Variants in PCDHGA1 observed in about 807,000 individuals in gnomAD.
The protein encoded by PCDHGA1 is protocadherin gamma-A1.
Under a neutral mutation model 58.0 loss-of-function variants are expected in PCDHGA1, and 32 were observed. That is an observed-to-expected ratio of 0.55 (90% CI 0.42 to 0.74). The LOEUF is 0.74. Ranked by LOEUF, PCDHGA1 falls within the 30% of genes least tolerant of loss-of-function variation. The probability of loss-of-function intolerance (pLI) is 0.00; values close to 1 mark genes in which losing one functional copy is unlikely to be tolerated. For missense variants in PCDHGA1, 1,205 were observed against 1,182.3 expected (o/e 1.02, Z -0.28); for synonymous variants, 498 against 501.1 (o/e 0.99, Z 0.08).
chr5:141,478,857 C>A, intron 1 of PCDHGA1: 1 of 1,353,600 alleles, frequency 7.4e-7, no homozygotes, highest in Non-Finnish European at 9.8e-7. Context: ...AACACAAGAT[C>A]TCAGCGATCA....
chr5:141,348,068 A>ACAACTT (rs1400560266), intron 1 of PCDHGA1, among the ~76,000 whole-genome samples: 5 of 152,340 alleles, frequency 3.3e-5, no homozygotes, highest in African/African-American at 9.6e-5. Context: ...GTCATGTTCT[A>ACAACTT]CAACTTTCTT....
chr5:141,464,043 T>C (rs2099074643), intron 1 of PCDHGA1, among the ~76,000 whole-genome samples: 2 of 152,074 alleles, frequency 1.3e-5, no homozygotes, highest in African/African-American at 4.8e-5. Context: ...GGCGGGTGGA[T>C]CACCTGAGGT....
At chr5:141,394,219 C>T (rs1355390708) in intron 1 of PCDHGA1, 1 of 1,613,786 alleles carries the variant, frequency 6.2e-7, no homozygotes, top group Non-Finnish European at 8.5e-7. Context: ...CTGAGAGGAG[C>T]CTCCATCTTT....
At chr5:141,351,936 T>C in intron 1 of PCDHGA1, 1 of 1,613,244 alleles carries the variant, frequency 6.2e-7, no homozygotes, top group Non-Finnish European at 8.5e-7. Flanking sequence ...CCACGGGTGC[T>C]GTACCCCGCG....
At chr5:141,399,915 C>T in intron 1 of PCDHGA1, 1 of 1,612,364 alleles carries the variant, frequency 6.2e-7, no homozygotes, top group Non-Finnish European at 8.5e-7. Flanking sequence ...ACTCAGGACA[C>T]AACGCCTGGC....
intron 3 of PCDHGA1, among the ~76,000 whole-genome samples, chr5:141,509,751 A>T (rs1430265981): frequency 6.6e-6 from 1 of 151,998 alleles, no homozygotes; most frequent in Admixed American, 6.5e-5. Flanking sequence ...CCTGTGCCTA[A>T]AGTGTCCCTG....
chr5:141,489,723 T>C lies in PCDHGA1; in HGVS notation c.2422-5084T>C, dbSNP rs900332220. ...CACTGGACAGTGCCCAGGATCCGGA[T>C]GTGGGCACCAATACTGTGAGCTTTT... On this transcript the variant is annotated intron_variant, in intron 1 of 3. Coordinates refer to ENST00000517417, the MANE Select transcript of PCDHGA1 (RefSeq NM_018912.3). This position sits in a 1 kb window ranked among gnomAD's most constrained non-coding sequence, Gnocchi z 4.5. 4.3e-6 allele frequency: 7 copies of C among 1,613,958 alleles called. No homozygotes were observed. The highest frequency in any genetic ancestry group is 5.9e-6 in the Non-Finnish European group (7 of 1,179,940).
chr5:141,421,102 T>G, intron 1 of PCDHGA1: 1 of 691,404 alleles, frequency 1.4e-6, no homozygotes, highest in Non-Finnish European at 2.4e-6. Flanking sequence ...CACTGGAGAC[T>G]TAGAAGTATT....
intron 1 of PCDHGA1, chr5:141,346,163 G>A: frequency 2.5e-6 from 4 of 1,614,024 alleles, no homozygotes; most frequent in African/African-American, 1.3e-5. Context: ...TCGTCATCGT[G>A]CTGCTGGCGC....
At chr5:141,355,419 G>C (rs1438563668) in intron 1 of PCDHGA1, 1 of 1,614,042 alleles carries the variant, frequency 6.2e-7, no homozygotes, top group Non-Finnish European at 8.5e-7. Context: ...GTAGGACGCA[G>C]CTTTTCGCCC....
At chr5:141,423,102 C>A (rs778561065) in intron 1 of PCDHGA1, 2 of 1,613,802 alleles carry the variant, frequency 1.2e-6, no homozygotes, top group Non-Finnish European at 1.7e-6. Flanking sequence ...AGCACACGGG[C>A]GAGGTGCGTA....
chr5:141,403,182 T>G (rs1458009956), intron 1 of PCDHGA1: 1 of 1,613,858 alleles, frequency 6.2e-7, no homozygotes, highest in Non-Finnish European at 8.5e-7. Context: ...CTTTTCTCTC[T>G]GAACCCGCGC....
At chr5:141,484,966 G>A in intron 1 of PCDHGA1, 1 of 583,968 alleles carries the variant, frequency 1.7e-6, no homozygotes. Context: ...GAGCCCGGGA[G>A]CCGCTGTCTG....
intron 1 of PCDHGA1, chr5:141,395,272 G>C (rs750503990): frequency 6.5e-7 from 1 of 1,544,348 alleles, no homozygotes; most frequent in Admixed American, 2.1e-5. Context: ...TTAATTTCCA[G>C]ATGAATTTTA....
intron 1 of PCDHGA1, among the ~76,000 whole-genome samples, chr5:141,381,049 T>C (rs1384350654): frequency 2.0e-5 from 3 of 152,252 alleles, no homozygotes; most frequent in Admixed American, 2.0e-4. Context: ...TTATCTACTT[T>C]GTGAATGCAA....
intron 2 of PCDHGA1, among the ~76,000 whole-genome samples, chr5:141,504,870 AG>A (rs1453764331): frequency 6.6e-6 from 1 of 151,996 alleles, no homozygotes; most frequent in Non-Finnish European, 1.5e-5. Context: ...CCACCTTCAC[AG>A]TCCTCTGGAG....
intron 2 of PCDHGA1, among the ~76,000 whole-genome samples, chr5:141,501,751 C>G (rs188896150): frequency 1.4e-3 from 218 of 152,250 alleles, no homozygotes; most frequent in South Asian, 3.1e-3. Flanking sequence ...ATAGGAAGCT[C>G]TCAGTAAATG....
At position 141,490,908 on chromosome 5, in the gene PCDHGA1, C is replaced by A; in HGVS notation, c.2422-3899C>A. On this transcript the variant is annotated intron_variant, in intron 1 of 3. Coordinates refer to ENST00000517417, the MANE Select transcript of PCDHGA1 (RefSeq NM_018912.3). The surrounding 1 kb of genome is among the most constrained non-coding windows in gnomAD (Gnocchi z 5.4). The stretch of plus-strand genomic sequence containing the variant: ...CATCTCTGCATGTGTTTGTCCTAGA[C>A]GAGAATGATAATGCCCCAGCTGTGC... The A allele has an allele frequency of 6.2e-7, 1 of 1,613,710 alleles. No homozygotes were observed. Among genetic ancestry groups the A allele is most frequent in the Non-Finnish European group, 8.5e-7 (1 of 1,179,754 alleles).
In PCDHGA1 at chr5:141,331,981, T is replaced by C. The variant is rs762506899; in HGVS notation, c.1297T>C (p.Ser433Pro). 2 of 1,614,004 alleles carry C rather than the reference T, an allele frequency of 1.2e-6. No individual in the cohort carries two copies. Residue 433 changes from serine to proline, a missense_variant, in exon 1 of 4, where the codon TCT becomes CCT. Physicochemically the swap from Ser to Pro is moderately conservative, Grantham distance 74. Coordinates refer to ENST00000517417, the MANE Select transcript of PCDHGA1 (RefSeq NM_018912.3). ...AATAGACCAAGGAACTCCAGCTCTA[T>C]CTACTGAAACTCACATTTCACTACT... is the stretch of plus-strand genomic sequence containing the variant. ...TAIDQGTPAL[S>P]TETHISLLVT...
Sources: gnomAD v4.1 joint callset for allele counts (sites outside exome capture counted in the v4.1 genomes callset) on GRCh38, gnomAD v4.1.1 for gene constraint, Gnocchi (gnomAD v3.1) non-coding constraint, MANE v1.5 for transcripts, NCBI Gene and HGNC (gene_info 2026-07-23, HGNC 2026-07-21) for gene names.